The following DCBLD2 variants were observed in gnomAD, a reference collection of about 807,000 sequenced individuals.
DCBLD2 encodes discoidin, CUB and LCCL domain-containing protein 2.
A neutral mutation model predicts 86.8 loss-of-function variants in DCBLD2; 54 were observed. That is an observed-to-expected ratio of 0.62 (90% confidence interval 0.50 to 0.78). The LOEUF (loss-of-function observed/expected upper bound fraction) is 0.78, where lower values mean the gene tolerates loss of function less well. Among genes scored for constraint, DCBLD2 ranks in the 30% least tolerant of loss-of-function variants. The pLI, the probability that DCBLD2 is intolerant of heterozygous loss-of-function variation, is 0.00. For synonymous variants in DCBLD2, 354 were observed against 341.3 expected, an observed-to-expected ratio of 1.04 and a Z score of -0.41; for missense variants, 908 against 954.2, an observed-to-expected ratio of 0.95 and a Z score of 0.64.
At chr3:98,805,248 A>G (rs1175113782) in intron 13 of DCBLD2, among the ~76,000 whole-genome samples, 4 of 152,206 alleles carry the variant, frequency 2.6e-5, no homozygotes, top group African/African-American at 9.7e-5. Context: ...AATTTGTGGA[A>G]AAGATAATGA....
chr3:98,878,420 AAC>A (rs1943407141), intron 2 of DCBLD2, among the ~76,000 whole-genome samples: 1 of 152,204 alleles, frequency 6.6e-6, no homozygotes, highest in African/African-American at 2.4e-5. Flanking sequence ...GAACATCAGA[AAC>A]ACAGAGAGAC....
At chr3:98,875,351 C>CA (rs1217217220) in intron 2 of DCBLD2, among the ~76,000 whole-genome samples, 6 of 151,426 alleles carry the variant, frequency 4.0e-5, no homozygotes, top group East Asian at 3.9e-4. Context: ...TTAAGTTTAA[C>CA]AAAAAATGTG....
At chr3:98,887,731 T>G (rs1943586784) in intron 1 of DCBLD2, among the ~76,000 whole-genome samples, 1 of 151,986 alleles carries the variant, frequency 6.6e-6, no homozygotes, top group Admixed American at 6.6e-5. Context: ...AGAACAGATA[T>G]TTGTCATATA....
chr3:98,810,311 A>G (rs1033331113), intron 12 of DCBLD2, among the ~76,000 whole-genome samples: 2 of 152,234 alleles, frequency 1.3e-5, no homozygotes, highest in Non-Finnish European at 2.9e-5. Context: ...CTGTACCTGC[A>G]GCATGAGAAA....
chr3:98,803,145 G>T (rs1421801953), intron 13 of DCBLD2, among the ~76,000 whole-genome samples: 1 of 152,140 alleles, frequency 6.6e-6, no homozygotes, highest in Non-Finnish European at 1.5e-5. Flanking sequence ...GGGCAGTATG[G>T]CCATTTTCAC....
At chr3:98,819,452 G>A (rs1420201115) in intron 7 of DCBLD2, 35 bp from the exon 8 acceptor site, 4 of 1,610,844 alleles carry the variant, frequency 2.5e-6, no homozygotes, top group South Asian at 1.1e-5. Flanking sequence ...TGGTTTCCAG[G>A]TATAATTTCA....
intron 15 of DCBLD2, 48 bp from the exon 16 acceptor site, chr3:98,799,889 A>G (rs1279065808): frequency 1.4e-6 from 2 of 1,479,878 alleles, no homozygotes; most frequent in South Asian, 1.4e-5. Context: ...TAGTAAAGAG[A>G]TTGCATAATT....
intron 3 of DCBLD2, among the ~76,000 whole-genome samples, chr3:98,835,938 C>CTTTCTTTCTTTCT (rs56279917): frequency 4.3e-5 from 5 of 115,054 alleles, no homozygotes; most frequent in African/African-American, 1.0e-4. Context: ...TCCTTTCTTT[C>CTTTCTTTCTTTCT]TTTTTTTTTT....
chr3:98,819,953 CAT>C (rs1942088865), intron 7 of DCBLD2, among the ~76,000 whole-genome samples: 3 of 152,176 alleles, frequency 2.0e-5, no homozygotes, highest in Non-Finnish European at 4.4e-5. Context: ...ATGCCTGGCA[CAT>C]AAAGAGAAGG....
chr3:98,891,290 A>G (rs1415864120), intron 1 of DCBLD2, among the ~76,000 whole-genome samples: 1 of 151,992 alleles, frequency 6.6e-6, no homozygotes, highest in African/African-American at 2.4e-5. Context: ...AATCCTGGTG[A>G]ATGAGAGAAG....
intron 3 of DCBLD2, among the ~76,000 whole-genome samples, chr3:98,826,323 T>C (rs1032770993): frequency 2.0e-5 from 3 of 152,202 alleles, no homozygotes; most frequent in Admixed American, 2.0e-4. Flanking sequence ...TTCTCGCCGC[T>C]CCAGTCTTGT....
In DCBLD2 at chr3:98,796,725, C is replaced by T. The variant is rs8833; in HGVS notation, c.*2647G>A. 47,224 of 152,510 alleles carry T rather than the reference C, an allele frequency of 0.31. 8,771 individuals carry two copies. The highest frequency in any genetic ancestry group is 0.7 in the East Asian group (3,629 of 5,174). 9.4% of individuals were successfully genotyped at this position (152,510 alleles called of 1,614,324 possible). A position where few individuals can be genotyped will look rare whatever the true frequency, so the allele number is the denominator to read the frequency against. ...ATCCAACAGGATCTATTTAGATTTACAGCATTTAATAAAGTATAAGTCAGA... is the reference window on the plus strand; with the variant it reads ...ATCCAACAGGATCTATTTAGATTTATAGCATTTAATAAAGTATAAGTCAGA... On this transcript the variant is annotated 3_prime_UTR_variant, in exon 16 of 16. Coordinates refer to ENST00000326840, the MANE Select transcript of DCBLD2 (RefSeq NM_080927.4).
At position 98,847,591 on chromosome 3, in the gene DCBLD2, C is replaced by T. The variant is rs899150155; in HGVS notation, c.571+1870G>A. 3.3e-5 allele frequency among the ~76,000 whole-genome samples: 5 copies of T among 152,154 alleles called. No homozygotes were observed. The East Asian group carries it at 7.7e-4, about 23-fold the overall frequency. On this transcript the variant is annotated intron_variant, in intron 3 of 15. Coordinates refer to ENST00000326840, the MANE Select transcript of DCBLD2 (RefSeq NM_080927.4). ...ATATGAAACTTTCAATAAGACATAT[C>T]GTGTTTATCTCAAGCCCACCATAGC...
At chr3:98,842,661 T>G (rs1054645110) in intron 3 of DCBLD2, among the ~76,000 whole-genome samples, 1 of 152,196 alleles carries the variant, frequency 6.6e-6, no homozygotes, top group Non-Finnish European at 1.5e-5. Flanking sequence ...TGAAAATAAT[T>G]AATGCTTTCC....
chr3:98,890,692 T>G (rs1213149424), intron 1 of DCBLD2, among the ~76,000 whole-genome samples: 3 of 151,974 alleles, frequency 2.0e-5, no homozygotes. Context: ...CTCCCCTCCC[T>G]CCTTCTTAAA....
At chr3:98,822,020 T>C (rs911431981) in intron 6 of DCBLD2, 58 of 643,034 alleles carry the variant, frequency 9.0e-5, no homozygotes, top group South Asian at 7.5e-4. Flanking sequence ...CACTCCAGCC[T>C]GGGCAATGAG....
At chr3:98,852,879 G>GTA (rs2107488286) in intron 2 of DCBLD2, among the ~76,000 whole-genome samples, 1 of 126,812 alleles carries the variant, frequency 7.9e-6, no homozygotes, top group East Asian at 4.1e-4. Flanking sequence ...CCAACAACTA[G>GTA]TACACTTGGA....
intron 2 of DCBLD2, among the ~76,000 whole-genome samples, chr3:98,861,526 C>G (rs922256586): frequency 1.3e-5 from 2 of 152,216 alleles, no homozygotes; most frequent in African/African-American, 4.8e-5. Flanking sequence ...AACAAACTGT[C>G]TCTCAGACCA....
intron 1 of DCBLD2, among the ~76,000 whole-genome samples, chr3:98,882,483 A>G (rs1352842005): frequency 1.3e-5 from 2 of 152,132 alleles, no homozygotes; most frequent in Non-Finnish European, 2.9e-5. Flanking sequence ...TGCGCAGGTT[A>G]CACAGATATA....
Sources: gnomAD v4.1 joint callset for allele counts (sites outside exome capture counted in the v4.1 genomes callset) on GRCh38, gnomAD v4.1.1 for gene constraint, MANE v1.5 for transcripts, NCBI Gene and HGNC (gene_info 2026-07-23, HGNC 2026-07-21) for gene names.